Variants in LDB2 observed in about 807,000 individuals in gnomAD.
LDB2 encodes the protein LIM domain-binding protein 2.
LDB2 carries 12 observed loss-of-function variants against 44.3 expected under a neutral mutation model. That is an observed-to-expected ratio of 0.27 (90% CI 0.17 to 0.44). The LOEUF (loss-of-function observed/expected upper bound fraction) is 0.44. Among genes scored for constraint, LDB2 ranks in the 20% least tolerant of loss-of-function variants. The pLI is 1.00. For missense variants in LDB2, 344 were observed against 473.5 expected (o/e 0.73, Z 2.54); for synonymous variants, 164 against 174.8 (o/e 0.94, Z 0.49).
At chr4:16,693,506 C>T (rs1751353895) in intron 2 of LDB2, among the ~76,000 whole-genome samples, 1 of 152,162 alleles carries the variant, frequency 6.6e-6, no homozygotes, top group Non-Finnish European at 1.5e-5. Context: ...CAGGCGTGTG[C>T]CACCACATCC....
At chr4:16,648,972 T>C (rs1406282506) in intron 2 of LDB2, among the ~76,000 whole-genome samples, 3 of 152,194 alleles carry the variant, frequency 2.0e-5, no homozygotes, top group Non-Finnish European at 2.9e-5. Flanking sequence ...TGATTTTTTT[T>C]TAAAAGTCAG....
At position 16,609,351 on chromosome 4, in the gene LDB2, C is replaced by CGGGG. The variant is rs71181179; in HGVS notation, c.236-13480_236-13477dup. ...CCTACTGAACTCCCAGGGGAGGGGGCGGGGGGGGGAGGGGAAGGGCAACCA... is the reference window on the plus strand; with the variant it reads ...CCTACTGAACTCCCAGGGGAGGGGGCGGGGGGGGGGGGGAGGGGAAGGGCAACCA... On this transcript the variant is annotated intron_variant, in intron 2 of 7. Transcript: ENST00000304523. Among the ~76,000 whole-genome samples, 970 of 108,720 alleles carry CGGGG rather than the reference C, an allele frequency of 8.9e-3. 6 individuals are homozygous for CGGGG. The highest frequency in any genetic ancestry group is 0.013 in the Non-Finnish European group (650 of 48,834). 71.3% of individuals were successfully genotyped at this position (108,720 alleles called of 152,430 possible).
At chr4:16,737,898 C>T (rs1160498595) in intron 2 of LDB2, among the ~76,000 whole-genome samples, 1 of 152,114 alleles carries the variant, frequency 6.6e-6, no homozygotes, top group African/African-American at 2.4e-5. Flanking sequence ...CATTTCTTCT[C>T]CAACAATTTC....
intron 5 of LDB2, among the ~76,000 whole-genome samples, chr4:16,556,392 C>A (rs1461902881): frequency 6.6e-6 from 1 of 152,152 alleles, no homozygotes; most frequent in African/African-American, 2.4e-5. Context: ...TTGGTGAGAG[C>A]AAGCAATACA....
chr4:16,657,418 A>G (rs1740209044), intron 2 of LDB2, among the ~76,000 whole-genome samples: 1 of 152,188 alleles, frequency 6.6e-6, no homozygotes. Flanking sequence ...CTAAAATTTA[A>G]AATTCACCAG....
At position 16,574,860 on chromosome 4, in the gene LDB2, G is replaced by T. The variant is rs141668007; in HGVS notation, c.615+11062C>A. Among the ~76,000 whole-genome samples the T allele has an allele frequency of 4.6e-3, 706 of 152,216 alleles. 4 individuals carry two copies. The highest frequency in any genetic ancestry group is 5.8e-3 in the African/African-American group (240 of 41,528). ...GTTTCAGATGAAAAAAATTGGATTC[G>T]GGGAGCTTAGGAAACTTGTTCAAGG... On this transcript the variant is annotated intron_variant, in intron 5 of 7. Coordinates refer to ENST00000304523, the MANE Select transcript of LDB2 (RefSeq NM_001290.5).
At chr4:16,548,959 A>T (rs1350257425) in intron 5 of LDB2, among the ~76,000 whole-genome samples, 2 of 152,230 alleles carry the variant, frequency 1.3e-5, no homozygotes, top group African/African-American at 2.4e-5. Context: ...TATGCCTGGA[A>T]GCAAATGAAA....
At chr4:16,603,263 C>CA (rs1167769148) in intron 2 of LDB2, among the ~76,000 whole-genome samples, 1 of 152,118 alleles carries the variant, frequency 6.6e-6, no homozygotes, top group East Asian at 1.9e-4. Context: ...TAATGACTTC[C>CA]ATAATAAGTC....
intron 1 of LDB2, among the ~76,000 whole-genome samples, chr4:16,772,564 T>C (rs1185787855): frequency 6.6e-6 from 1 of 152,204 alleles, no homozygotes; most frequent in Non-Finnish European, 1.5e-5. Flanking sequence ...CACTTTAATG[T>C]TTTAAATAAA....
chr4:16,763,015 C>T (rs1188840969), intron 1 of LDB2, among the ~76,000 whole-genome samples: 1 of 151,588 alleles, frequency 6.6e-6, no homozygotes, highest in East Asian at 2.0e-4. Context: ...TGGGATGAAT[C>T]AACGTCTCAG....
chr4:16,716,911 C>T (rs181676618), intron 2 of LDB2, among the ~76,000 whole-genome samples: 2 of 151,834 alleles, frequency 1.3e-5, no homozygotes, highest in East Asian at 3.9e-4. Context: ...TCTATCAAGG[C>T]CATGATTTAG....
At chr4:16,746,980 C>T (rs904796100) in intron 2 of LDB2, among the ~76,000 whole-genome samples, 4 of 152,158 alleles carry the variant, frequency 2.6e-5, no homozygotes, top group East Asian at 1.9e-4. Context: ...CACCAGCTGT[C>T]GGAAGCTGCA....
chr4:16,880,877 G>A (rs1205503600), intron 1 of LDB2, among the ~76,000 whole-genome samples: 18 of 148,118 alleles, frequency 1.2e-4, no homozygotes, highest in South Asian at 2.2e-4. Context: ...GCACTCCAGC[G>A]TGGGTGAGAC....
intron 1 of LDB2, among the ~76,000 whole-genome samples, chr4:16,831,907 A>G (rs1337789626): frequency 6.6e-6 from 1 of 152,128 alleles, no homozygotes; most frequent in African/African-American, 2.4e-5. Context: ...GGGCGTAACC[A>G]GGGCTGGAAC....
intron 1 of LDB2, among the ~76,000 whole-genome samples, chr4:16,796,676 T>C (rs986306243): frequency 1.3e-5 from 2 of 152,260 alleles, no homozygotes; most frequent in East Asian, 1.9e-4. Flanking sequence ...AGAGTAATCA[T>C]GTGGTGGAGA....
Position 16,502,635 on chromosome 4 carries a change from C to G in LDB2, c.*8G>C. 1.9e-6 allele frequency: 3 copies of G among 1,612,896 alleles called. No individual in the cohort carries two copies. Among genetic ancestry groups the G allele is most frequent in the Non-Finnish European group, 1.7e-6 (2 of 1,179,022 alleles). ...GCCTATTGACAGTGGATTCTGGTGC[C>G]GATCATCTTATTGGGAAGCCTGGGG... On this transcript the variant is annotated 3_prime_UTR_variant, in exon 8 of 8. Coordinates refer to ENST00000304523, the MANE Select transcript of LDB2 (RefSeq NM_001290.5).
intron 1 of LDB2, among the ~76,000 whole-genome samples, chr4:16,855,938 C>A (rs893234822): frequency 6.6e-6 from 1 of 152,092 alleles, no homozygotes; most frequent in African/African-American, 2.4e-5. Flanking sequence ...AAGTCCACTG[C>A]TATGGTTTCA....
intron 1 of LDB2, among the ~76,000 whole-genome samples, chr4:16,859,112 C>A (rs1234058769): frequency 2.0e-5 from 3 of 152,124 alleles, no homozygotes; most frequent in Non-Finnish European, 2.9e-5. Context: ...GTTAATATTC[C>A]CATTTTACAG....
chr4:16,634,446 A>G (rs186903145), intron 2 of LDB2, among the ~76,000 whole-genome samples: 1 of 152,350 alleles, frequency 6.6e-6, no homozygotes, highest in African/African-American at 2.4e-5. Flanking sequence ...TAAATTTACA[A>G]GAAAAAAGCA....
Sources: allele counts gnomAD v4.1 joint callset (sites outside exome capture counted in the v4.1 genomes callset), GRCh38; gene constraint gnomAD v4.1.1; transcripts MANE v1.5; gene names NCBI Gene and HGNC (gene_info 2026-07-23, HGNC 2026-07-21).